The following TRABD2B variants were observed in gnomAD, a reference collection of about 807,000 sequenced individuals.
TRABD2B encodes metalloprotease TIKI2.
Under a neutral mutation model 40.1 loss-of-function variants are expected in TRABD2B, and 14 were observed. That is an observed-to-expected ratio of 0.35 (90% CI 0.23 to 0.55). TRABD2B has a LOEUF of 0.55. TRABD2B is among the 20% of genes least tolerant of loss of function. TRABD2B has a pLI of 0.90. For missense variants in TRABD2B, 541 were observed against 648.6 expected, an observed-to-expected ratio of 0.83 and a Z score of 1.80; for synonymous variants, 263 against 277.0, an observed-to-expected ratio of 0.95 and a Z score of 0.50.
At chr1:47,941,781 C>T (rs1570334146) in intron 2 of TRABD2B, among the ~76,000 whole-genome samples, 1 of 152,346 alleles carries the variant, frequency 6.6e-6, no homozygotes, top group East Asian at 1.9e-4. Context: ...TTCTCTGCCA[C>T]ATACTATCTG....
At position 47,765,950 on chromosome 1, in the gene TRABD2B, G is replaced by A. The variant is rs544351336; in HGVS notation, c.1506C>T (p.Ala502=). 8.5e-6 allele frequency: 6 copies of A among 702,972 alleles called. No homozygotes were observed. The African/African-American group carries it at 1.0e-4, about 12-fold the overall frequency. 43.5% of individuals were successfully genotyped at this position (702,972 alleles called of 1,614,324 possible). The change falls in exon 7 of 7, where the codon GCC becomes GCT. Residue 502 remains alanine (A), a synonymous_variant. Transcript: ENST00000606738. ...GCAGGAAGCAGACAGCGATGGTGGT[G>A]GCGATGGCGGGGAGAAGGCCCAGGG... is the stretch of plus-strand genomic sequence containing the variant. ...APTLGLLPAI[A]TTIAVCFLLH... is the part of the protein sequence containing the mutation.
At chr1:47,880,160 T>A (rs1204308432) in intron 2 of TRABD2B, among the ~76,000 whole-genome samples, 2 of 152,070 alleles carry the variant, frequency 1.3e-5, no homozygotes, top group Non-Finnish European at 2.9e-5. Flanking sequence ...AATAAAAAAA[T>A]TATTGTATAT....
At chr1:47,775,065 G>A (rs1644424998) in intron 6 of TRABD2B, 105 bp downstream of exon 6, 2 of 1,124,932 alleles carry the variant, frequency 1.8e-6, no homozygotes, top group Non-Finnish European at 2.2e-6. Flanking sequence ...CTTCCTTAGA[G>A]CAGGGCTGGC....
chr1:47,827,890 G>C (rs1338138357), intron 2 of TRABD2B, among the ~76,000 whole-genome samples: 1 of 152,136 alleles, frequency 6.6e-6, no homozygotes, highest in African/African-American at 2.4e-5. Flanking sequence ...TAAGGTTTGA[G>C]TCAAGCTGAG....
intron 2 of TRABD2B, among the ~76,000 whole-genome samples, chr1:47,986,529 G>C (rs1425185141): frequency 6.6e-6 from 1 of 152,178 alleles, no homozygotes; most frequent in African/African-American, 2.4e-5. Context: ...AAAGAATGTC[G>C]TAAAATGCCA....
At chr1:47,915,626 T>C (rs1444520047) in intron 2 of TRABD2B, among the ~76,000 whole-genome samples, 1 of 152,182 alleles carries the variant, frequency 6.6e-6, no homozygotes, top group African/African-American at 2.4e-5. Context: ...GGACATTCCA[T>C]GTTCCCACAC....
chr1:47,929,472 A>G (rs1645011635), intron 2 of TRABD2B, among the ~76,000 whole-genome samples: 1 of 152,134 alleles, frequency 6.6e-6, no homozygotes, highest in Non-Finnish European at 1.5e-5. Context: ...CTTGCTCCCC[A>G]TTTCATTCTC....
chr1:47,995,806 G>A (rs995222103), intron 1 of TRABD2B, among the ~76,000 whole-genome samples: 1 of 152,164 alleles, frequency 6.6e-6, no homozygotes, highest in Non-Finnish European at 1.5e-5. Flanking sequence ...GATAGACTGA[G>A]AGCCCAGTCA....
intron 2 of TRABD2B, among the ~76,000 whole-genome samples, chr1:47,906,924 C>CA (rs1209355834): frequency 2.4e-4 from 37 of 152,258 alleles, no homozygotes; most frequent in Admixed American, 2.4e-3. Flanking sequence ...GCAATAGGCA[C>CA]AATGTTAGAA....
chr1:47,796,805 G>T (rs888359243), intron 3 of TRABD2B, among the ~76,000 whole-genome samples: 6 of 152,146 alleles, frequency 3.9e-5, no homozygotes, highest in Non-Finnish European at 7.3e-5. Context: ...CTTTGAAAGC[G>T]ATAATTGGAA....
intron 4 of TRABD2B, among the ~76,000 whole-genome samples, chr1:47,786,158 G>A (rs576022300): frequency 6.6e-6 from 1 of 152,216 alleles, no homozygotes; most frequent in East Asian, 1.9e-4. Flanking sequence ...GTGGGAGGCC[G>A]CAGGCTGAGA....
intron 6 of TRABD2B, among the ~76,000 whole-genome samples, chr1:47,773,125 T>C (rs1446217612): frequency 6.6e-6 from 1 of 152,250 alleles, no homozygotes; most frequent in East Asian, 1.9e-4. Context: ...CCCCATGGGC[T>C]GGCCCCACCA....
chr1:47,917,780 C>A (rs1361341639), intron 2 of TRABD2B, among the ~76,000 whole-genome samples: 1 of 152,066 alleles, frequency 6.6e-6, no homozygotes. Context: ...AGTGTTCTCA[C>A]CTCCCTCTTG....
At chr1:47,974,151 C>T (rs546366656) in intron 2 of TRABD2B, among the ~76,000 whole-genome samples, 14 of 152,240 alleles carry the variant, frequency 9.2e-5, no homozygotes, top group African/African-American at 3.4e-4. Context: ...CTGCTTCAAA[C>T]CAATGACTTC....
chr1:47,984,200 G>T (rs1645883366), intron 2 of TRABD2B, among the ~76,000 whole-genome samples: 1 of 152,216 alleles, frequency 6.6e-6, no homozygotes, highest in Non-Finnish European at 1.5e-5. Flanking sequence ...TCTTTGCACC[G>T]TGGCTGCCCG....
At chr1:47,841,712 G>A (rs1195120026) in intron 2 of TRABD2B, among the ~76,000 whole-genome samples, 1 of 152,148 alleles carries the variant, frequency 6.6e-6, no homozygotes, top group Non-Finnish European at 1.5e-5. Context: ...CCAGAGCCAG[G>A]GGCAACCAGT....
chr1:47,807,249 A>T (rs1477193328), intron 2 of TRABD2B, among the ~76,000 whole-genome samples: 1 of 152,220 alleles, frequency 6.6e-6, no homozygotes, highest in African/African-American at 2.4e-5. Context: ...GCTGCCTGGA[A>T]TGATTGATCC....
intron 2 of TRABD2B, among the ~76,000 whole-genome samples, chr1:47,932,978 A>G (rs1180327744): frequency 2.0e-5 from 3 of 152,176 alleles, no homozygotes; most frequent in Non-Finnish European, 4.4e-5. Flanking sequence ...AACCTCTTTG[A>G]GTCTGAGCTT....
intron 2 of TRABD2B, among the ~76,000 whole-genome samples, chr1:47,803,825 C>T (rs113879852): frequency 4.0e-4 from 61 of 152,306 alleles, no homozygotes; most frequent in Middle Eastern, 3.4e-3. Flanking sequence ...TTTGACACTG[C>T]TATGGTCACT....
Sources: allele counts gnomAD v4.1 joint callset (sites outside exome capture counted in the v4.1 genomes callset), GRCh38; gene constraint gnomAD v4.1.1; transcripts MANE v1.5; gene names NCBI Gene and HGNC (gene_info 2026-07-23, HGNC 2026-07-21).